The following TNKS variants were observed in gnomAD, a reference collection of about 807,000 sequenced individuals.
The protein encoded by TNKS is tankyrase.
In TNKS, 72 loss-of-function variants were observed where a neutral mutation model predicts 135.8. The ratio of observed to expected loss-of-function variants is 0.53; its 90% CI spans 0.44 to 0.64. The LOEUF (loss-of-function observed/expected upper bound fraction) is 0.64. TNKS is among the 30% of genes least tolerant of loss of function. The pLI is 0.00. For missense variants in TNKS, 1,769 were observed against 1,674.0 expected, an observed-to-expected ratio of 1.06 and a Z score of -0.99; for synonymous variants, 849 against 649.3, an observed-to-expected ratio of 1.31 and a Z score of -4.68.
chr8:9,626,980 G>A (rs1173927026), intron 3 of TNKS, among the ~76,000 whole-genome samples: 1 of 152,138 alleles, frequency 6.6e-6, no homozygotes, highest in African/African-American at 2.4e-5. Context: ...ATGGAGGCTG[G>A]TCATTGGATA....
intron 13 of TNKS, among the ~76,000 whole-genome samples, chr8:9,727,442 T>C (rs950135666): frequency 6.6e-6 from 1 of 152,204 alleles, no homozygotes; most frequent in Non-Finnish European, 1.5e-5. Context: ...TGTTTTTTGT[T>C]GTTTTTTACG....
At chr8:9,683,597 T>C (rs746431007) in intron 5 of TNKS, among the ~76,000 whole-genome samples, 4 of 151,944 alleles carry the variant, frequency 2.6e-5, no homozygotes, top group Non-Finnish European at 5.9e-5. Flanking sequence ...AATTTTGAAA[T>C]GTTTTTGGAA....
At chr8:9,736,324 C>G (rs894226119) in intron 17 of TNKS, among the ~76,000 whole-genome samples, 1 of 145,840 alleles carries the variant, frequency 6.9e-6, no homozygotes, top group Admixed American at 6.9e-5. Context: ...TCAAGGCCAC[C>G]CTGATCAACA....
At chr8:9,702,098 C>G (rs1803830174) in intron 5 of TNKS, among the ~76,000 whole-genome samples, 2 of 152,272 alleles carry the variant, frequency 1.3e-5, no homozygotes, top group East Asian at 3.9e-4. Context: ...CTGGCCCTGC[C>G]TACCAAAGCC....
chr8:9,691,825 T>C (rs568711134), intron 5 of TNKS, among the ~76,000 whole-genome samples: 14 of 152,358 alleles, frequency 9.2e-5, no homozygotes, highest in African/African-American at 3.1e-4. Flanking sequence ...TCATTGCTTA[T>C]GTTTTCTATT....
chr8:9,724,219 G>A (rs943799039), intron 12 of TNKS, among the ~76,000 whole-genome samples: 2 of 152,158 alleles, frequency 1.3e-5, no homozygotes, highest in Non-Finnish European at 2.9e-5. Context: ...GGAGGCAACG[G>A]TGGGAGGATT....
chr8:9,656,208 G>A (rs1248679452), intron 3 of TNKS, among the ~76,000 whole-genome samples: 1 of 152,102 alleles, frequency 6.6e-6, no homozygotes, highest in African/African-American at 2.4e-5. Context: ...GAAAAGAAAC[G>A]AACAAAGCCT....
At chr8:9,742,075 G>T (rs1287612951) in intron 17 of TNKS, among the ~76,000 whole-genome samples, 6 of 152,136 alleles carry the variant, frequency 3.9e-5, no homozygotes, top group African/African-American at 1.2e-4. Context: ...CTTGTAAAGG[G>T]CATTTGATAG....
chr8:9,586,722 C>CGTGTGTGTGTGTGTGT (rs5889287), intron 2 of TNKS, among the ~76,000 whole-genome samples: 5 of 143,210 alleles, frequency 3.5e-5, no homozygotes, highest in African/African-American at 1.3e-4. Context: ...ATATCTAAAA[C>CGTGTGTGTGTGTGTGT]GTGTGTGTGT....
intron 25 of TNKS, among the ~76,000 whole-genome samples, chr8:9,768,920 G>C (rs115008990): frequency 0.024 from 3,694 of 152,224 alleles, 146 homozygotes; most frequent in African/African-American, 0.081. Flanking sequence ...ACAAATTTTA[G>C]TTGACTCAAG....
In TNKS at chr8:9,735,786, C is replaced by T. The variant is rs1249403859; in HGVS notation, c.2643+300C>T. The stretch of plus-strand genomic sequence containing the variant: ...CTGCACTCCAGCCTGGGTGACAGAG[C>T]GAGACTCTGACTCAAAATAAATAAA... On this transcript the variant is annotated intron_variant, in intron 17 of 26. Transcript: ENST00000310430. Among the ~76,000 whole-genome samples, 7 of 151,732 alleles carry T rather than the reference C, an allele frequency of 4.6e-5. No individual in the cohort carries two copies. The South Asian group carries it at 6.2e-4, about 14-fold the overall frequency.
chr8:9,709,399 T>G (rs1804207336), intron 9 of TNKS, among the ~76,000 whole-genome samples: 1 of 152,206 alleles, frequency 6.6e-6, no homozygotes, highest in Non-Finnish European at 1.5e-5. Context: ...TTTTTAAATT[T>G]TAATACGAAT....
At chr8:9,739,992 A>C (rs1805845833) in intron 17 of TNKS, among the ~76,000 whole-genome samples, 1 of 110,246 alleles carries the variant, frequency 9.1e-6, no homozygotes, top group Non-Finnish European at 1.8e-5. Context: ...CCAGCATGGC[A>C]CATGTATACA....
intron 2 of TNKS, among the ~76,000 whole-genome samples, chr8:9,595,948 C>T (rs1798772135): frequency 6.6e-6 from 1 of 151,978 alleles, no homozygotes; most frequent in African/African-American, 2.4e-5. Flanking sequence ...CCTGTCTCTA[C>T]AAAAAATTTA....
chr8:9,561,960 G>A (rs897457139), intron 1 of TNKS, among the ~76,000 whole-genome samples: 1 of 152,102 alleles, frequency 6.6e-6, no homozygotes, highest in African/African-American at 2.4e-5. Context: ...GGGATTACAG[G>A]CGCCCACCAC....
chr8:9,753,913 A>G (rs1258401370), intron 20 of TNKS, among the ~76,000 whole-genome samples: 2 of 152,176 alleles, frequency 1.3e-5, no homozygotes, highest in African/African-American at 2.4e-5. Context: ...TCAGAGGACT[A>G]TACTCCCTAC....
chr8:9,657,115 C>T (rs760008138), intron 3 of TNKS, among the ~76,000 whole-genome samples: 31 of 123,212 alleles, frequency 2.5e-4, no homozygotes, highest in South Asian at 3.1e-4. Context: ...CATCCTGGCC[C>T]GTTCTCAATG....
intron 3 of TNKS, among the ~76,000 whole-genome samples, chr8:9,648,101 C>G (rs1383003753): frequency 6.6e-6 from 1 of 152,158 alleles, no homozygotes; most frequent in African/African-American, 2.4e-5. Context: ...TGGAAGTTGA[C>G]TCACTGGGTG....
At chr8:9,637,044 A>T (rs748920016) in intron 3 of TNKS, among the ~76,000 whole-genome samples, 1 of 152,230 alleles carries the variant, frequency 6.6e-6, no homozygotes. Flanking sequence ...TTGAGTGGAC[A>T]TGCAGAAGAA....
Sources: allele counts gnomAD v4.1 joint callset (sites outside exome capture counted in the v4.1 genomes callset), GRCh38; gene constraint gnomAD v4.1.1; transcripts MANE v1.5; gene names NCBI Gene and HGNC (gene_info 2026-07-23, HGNC 2026-07-21).